ANKS1B: variants seen among roughly 807,000 people sequenced by gnomAD.
ANKS1B encodes ankyrin repeat and sterile alpha motif domain containing 1B, also known as ankyrin repeat and sterile alpha motif domain-containing protein 1B.
In ANKS1B, 36 loss-of-function variants were observed where a neutral mutation model predicts 148.3. The observed-to-expected ratio is 0.24, with a 90% CI of 0.19 to 0.32. The LOEUF (loss-of-function observed/expected upper bound fraction) is 0.32. Among genes scored for constraint, ANKS1B ranks in the 10% least tolerant of loss-of-function variants. ANKS1B has a pLI of 1.00. For synonymous variants in ANKS1B, 542 were observed against 560.8 expected (o/e 0.97, Z 0.47); for missense variants, 1,157 against 1,542.6 (o/e 0.75, Z 4.19).
At chr12:98,885,396 T>C (rs1444741601) in intron 17 of ANKS1B, among the ~76,000 whole-genome samples, 1 of 152,210 alleles carries the variant, frequency 6.6e-6, no homozygotes, top group Non-Finnish European at 1.5e-5. Flanking sequence ...AACAAAATTC[T>C]GAGACTTTTT....
intron 8 of ANKS1B, among the ~76,000 whole-genome samples, chr12:99,658,769 A>G (rs1599017974): frequency 6.6e-6 from 1 of 152,264 alleles, no homozygotes; most frequent in African/African-American, 2.4e-5. Context: ...GGCACATAAA[A>G]AATCAATAAG....
chr12:98,871,408 T>C (rs995463433), intron 17 of ANKS1B, among the ~76,000 whole-genome samples: 9 of 152,100 alleles, frequency 5.9e-5, no homozygotes, highest in African/African-American at 2.2e-4. Flanking sequence ...AAATATGAAA[T>C]AAGCTTGATA....
At chr12:98,806,880 A>G (rs2099054768) in intron 20 of ANKS1B, among the ~76,000 whole-genome samples, 1 of 152,230 alleles carries the variant, frequency 6.6e-6, no homozygotes, top group Non-Finnish European at 1.5e-5. Flanking sequence ...CGTGAACACC[A>G]GTACCAGGCA....
At chr12:99,240,252 C>G (rs571260277) in intron 14 of ANKS1B, among the ~76,000 whole-genome samples, 1 of 151,840 alleles carries the variant, frequency 6.6e-6, no homozygotes, top group African/African-American at 2.4e-5. Context: ...AAAAAAAGCA[C>G]GGATTGCAAT....
chr12:98,862,856 C>T (rs758166799), intron 17 of ANKS1B, among the ~76,000 whole-genome samples: 1 of 152,088 alleles, frequency 6.6e-6, no homozygotes, highest in Non-Finnish European at 1.5e-5. Context: ...ATTTGAGGTG[C>T]AAAGTAAGCA....
intron 8 of ANKS1B, among the ~76,000 whole-genome samples, chr12:99,683,583 A>G (rs1401104500): frequency 6.6e-6 from 1 of 152,178 alleles, no homozygotes; most frequent in Non-Finnish European, 1.5e-5. Flanking sequence ...TATTAACATT[A>G]TTCCAAAAGA....
intron 19 of ANKS1B, among the ~76,000 whole-genome samples, chr12:98,826,323 A>C (rs2099248273): frequency 6.6e-6 from 1 of 152,246 alleles, no homozygotes; most frequent in African/African-American, 2.4e-5. Flanking sequence ...TGAAAAAATC[A>C]ATTAAACCCC....
At chr12:99,861,409 T>C (rs1179639393) in intron 1 of ANKS1B, among the ~76,000 whole-genome samples, 3 of 152,234 alleles carry the variant, frequency 2.0e-5, no homozygotes, top group Non-Finnish European at 4.4e-5. Flanking sequence ...CTAGTTACTC[T>C]ATCACTGACT....
intron 17 of ANKS1B, among the ~76,000 whole-genome samples, chr12:98,930,385 A>G (rs924217143): frequency 3.3e-5 from 5 of 152,200 alleles, no homozygotes; most frequent in Admixed American, 6.5e-5. Flanking sequence ...AGTTCCTCAG[A>G]AAGTTAAATT....
At position 99,504,464 on chromosome 12, in the gene ANKS1B, A is replaced by G; in HGVS notation, c.1438+12T>C. 6.2e-7 allele frequency: 1 copy of G among 1,609,062 alleles called. No homozygotes were observed. The highest frequency in any genetic ancestry group is 1.1e-5 in the South Asian group (1 of 89,662). On this transcript the variant is annotated intron_variant, in intron 10 of 26. Transcript: ENST00000683438. ...AAATTGAATCAGGCCAATTGTGAGTAAGAGATATTACCAGTTCTTGGGGAA... is the reference window on the plus strand; with the variant it reads ...AAATTGAATCAGGCCAATTGTGAGTGAGAGATATTACCAGTTCTTGGGGAA...
intron 14 of ANKS1B, among the ~76,000 whole-genome samples, chr12:99,184,084 T>C (rs2079480587): frequency 6.6e-6 from 1 of 152,238 alleles, no homozygotes; most frequent in South Asian, 2.1e-4. Flanking sequence ...ACCTGTTGTT[T>C]AGAATCTTAT....
intron 17 of ANKS1B, among the ~76,000 whole-genome samples, chr12:98,942,872 C>T (rs940089093): frequency 1.3e-5 from 2 of 152,168 alleles, no homozygotes; most frequent in African/African-American, 4.8e-5. Context: ...AATTCAAACA[C>T]CCCAACAGAC....
At chr12:98,945,355 C>T (rs906200823) in intron 17 of ANKS1B, among the ~76,000 whole-genome samples, 1 of 151,614 alleles carries the variant, frequency 6.6e-6, no homozygotes, top group African/African-American at 2.4e-5. Context: ...ATTAGGCGGG[C>T]GTAGTGGTGT....
At chr12:99,579,606 C>T (rs1273664051) in intron 9 of ANKS1B, among the ~76,000 whole-genome samples, 1 of 152,086 alleles carries the variant, frequency 6.6e-6, no homozygotes. Context: ...GAATGCTTAG[C>T]AACACTAATC....
At position 99,764,905 on chromosome 12, in the gene ANKS1B, T is replaced by C. The variant is rs552857006; in HGVS notation, c.1128+8017A>G. Among the ~76,000 whole-genome samples, 15 of 152,268 alleles carry C rather than the reference T, an allele frequency of 9.9e-5. No individual in the cohort carries two copies. In the South Asian group the frequency reaches 3.1e-3, roughly 32 times the overall value. ...GAAAATGACATGACCAGAATGGCACTTAAGGCATACTGACTTGGCAGCATT... is the reference window on the plus strand; with the variant it reads ...GAAAATGACATGACCAGAATGGCACCTAAGGCATACTGACTTGGCAGCATT... On this transcript the variant is annotated intron_variant, in intron 8 of 26. Transcript: ENST00000683438.
chr12:98,878,699 A>G (rs2099698468), intron 17 of ANKS1B, among the ~76,000 whole-genome samples: 1 of 152,166 alleles, frequency 6.6e-6, no homozygotes, highest in Non-Finnish European at 1.5e-5. Context: ...ATTTAATGCG[A>G]TCACTTTGGG....
chr12:99,065,638 CCCATCCATCCAT>C (rs34386631), intron 16 of ANKS1B, among the ~76,000 whole-genome samples: 2 of 41,894 alleles, frequency 4.8e-5, no homozygotes, highest in Non-Finnish European at 1.6e-4. Flanking sequence ...ATCCATCCAT[CCCATCCATCCAT>C]CCATCCATCC....
At chr12:99,125,626 T>C (rs6538901) in intron 15 of ANKS1B, among the ~76,000 whole-genome samples, 93,758 of 151,940 alleles carry the variant, frequency 0.62, 29,164 homozygotes, top group East Asian at 0.75. Flanking sequence ...AGGTGATAGA[T>C]TTGAGAACTG....
Position 98,744,697 on chromosome 12 carries a change from TA to T in ANKS1B, c.*1041del. The T allele has an allele frequency of 1.0e-6, 1 of 966,574 alleles. No individual in the cohort carries two copies. The highest frequency in any genetic ancestry group is 1.2e-6 in the Non-Finnish European group (1 of 812,886). The allele number at this position is 966,574 out of a possible 1,614,324, so 59.9% of individuals were successfully genotyped here. ...ATTTCTTCTTTTTTTTTTTTGTATT[TA>T]TTTTTTCTAGAAAAAGAAATTTTTG... On this transcript the variant is annotated 3_prime_UTR_variant, in exon 27 of 27. Transcript: ENST00000683438.
Sources: allele counts gnomAD v4.1 joint callset (sites outside exome capture counted in the v4.1 genomes callset), GRCh38; gene constraint gnomAD v4.1.1; transcripts MANE v1.5; gene names NCBI Gene and HGNC (gene_info 2026-07-23, HGNC 2026-07-21).